MCFD2: variants seen among roughly 807,000 people sequenced by gnomAD.
MCFD2 encodes multiple coagulation factor deficiency 2, ER cargo receptor complex subunit, also known as multiple coagulation factor deficiency protein 2.
In MCFD2, 11 loss-of-function variants were observed where a neutral mutation model predicts 12.8. The ratio of observed to expected loss-of-function variants is 0.86; its 90% confidence interval spans 0.54 to 1.42. MCFD2 has a LOEUF of 1.42. MCFD2 is among the 40% of genes most tolerant of loss of function. The pLI is 0.00. For missense variants in MCFD2, 191 were observed against 178.6 expected, an observed-to-expected ratio of 1.07 and a Z score of -0.40; for synonymous variants, 70 against 68.1, an observed-to-expected ratio of 1.03 and a Z score of -0.14.
Position 46,934,798 on chromosome 2 carries a change from T to C in MCFD2, c.-8+6774A>G, listed in dbSNP as rs1436384326. On this transcript the variant is annotated intron_variant, in intron 1 of 2. Transcript: ENST00000409147. ...TGAAGACTACTGCTCTTTTTTTTTT[T>C]TTTTTTTTTTTTTTTTTTTTTGAGA... 1.3e-4 allele frequency among the ~76,000 whole-genome samples: 15 copies of C among 116,796 alleles called. No individual in the cohort carries two copies. In the East Asian group the frequency reaches 1.5e-3, roughly 12 times the overall value. 76.6% of individuals were successfully genotyped at this position (116,796 alleles called of 152,430 possible).
At chr2:46,911,106 A>T (rs1668468053) in intron 1 of MCFD2, among the ~76,000 whole-genome samples, 1 of 152,116 alleles carries the variant, frequency 6.6e-6, no homozygotes, top group Non-Finnish European at 1.5e-5. Context: ...ATCAAAATGC[A>T]ATCTGTCTCA....
At chr2:46,928,111 C>T (rs2117167) in intron 1 of MCFD2, among the ~76,000 whole-genome samples, 45,526 of 151,534 alleles carry the variant, frequency 0.3, 8,415 homozygotes, top group East Asian at 0.62. Flanking sequence ...AGGCTGGTCT[C>T]TAACTCCTCG....
At chr2:46,931,723 T>TAAATAAATAAAA (rs1406473779) in intron 1 of MCFD2, among the ~76,000 whole-genome samples, 3 of 151,426 alleles carry the variant, frequency 2.0e-5, no homozygotes, top group African/African-American at 7.3e-5. Context: ...AATAAATAAA[T>TAAATAAATAAAA]AAAATTGATA....
intron 1 of MCFD2, among the ~76,000 whole-genome samples, chr2:46,914,504 G>C (rs374847380): frequency 5.3e-4 from 81 of 152,154 alleles, no homozygotes; most frequent in African/African-American, 1.9e-3. Flanking sequence ...TTGAGAATTG[G>C]TTCTGAAAAA....
Position 46,940,556 on chromosome 2 carries a change from C to G in MCFD2, c.-8+1016G>C, listed in dbSNP as rs10165085. On this transcript the variant is annotated intron_variant, in intron 1 of 2. Transcript: ENST00000409147. This position sits in a 1 kb window ranked among gnomAD's most constrained non-coding sequence, Gnocchi z 4.7. ...AGCTTTGATCACAGTCTTAGACCAG[C>G]ATGAAGAAATAAATAAATACCAAGG... Among the ~76,000 whole-genome samples, 8,890 of 152,276 alleles carry G rather than the reference C, an allele frequency of 0.058. 317 individuals carry two copies. The highest frequency in any genetic ancestry group is 0.093 in the African/African-American group (3,859 of 41,540).
upstream of MCFD2, among the ~76,000 whole-genome samples, chr2:46,920,642 CT>C (rs1450193967): frequency 7.6e-6 from 1 of 131,092 alleles, no homozygotes; most frequent in Non-Finnish European, 1.5e-5. Context: ...TAGTCTTAGG[CT>C]TTTTTGAAAA....
Position 46,941,440 on chromosome 2 carries a change from G to A in MCFD2, c.-8+132C>T. ...CGCCCGGGCCCCGGCTGCCGTCTGC[G>A]CCCCCGTCGACCCCGCCCGCGAGTG... On this transcript the variant is annotated intron_variant, in intron 1 of 2. Coordinates refer to the MCFD2 transcript ENST00000409147. The surrounding 1 kb of genome is among the most constrained non-coding windows in gnomAD (Gnocchi z 4.2). 1 of 1,275,614 alleles carries A rather than the reference G, an allele frequency of 7.8e-7. No individual in the cohort carries two copies. Among genetic ancestry groups the A allele is most frequent in the South Asian group, 2.2e-5 (1 of 44,992 alleles). 79.0% of individuals were successfully genotyped at this position (1,275,614 alleles called of 1,614,324 possible). A position where few individuals can be genotyped will look rare whatever the true frequency, so the allele number is the denominator to read the frequency against.
chr2:46,905,661 CA>C, intron 3 of MCFD2, 67 bp from the exon 4 acceptor site: 1 of 1,014,854 alleles, frequency 9.9e-7, no homozygotes. Flanking sequence ...AACTAACGTC[CA>C]AAATATCCAT....
upstream of MCFD2, chr2:46,917,051 G>T: frequency 1.7e-6 from 1 of 592,548 alleles, no homozygotes; most frequent in Non-Finnish European, 3.0e-6. Flanking sequence ...GTAGTTAGAT[G>T]CCTTGAAAGT....
At chr2:46,928,310 A>G (rs760047058) in intron 1 of MCFD2, among the ~76,000 whole-genome samples, 2 of 152,060 alleles carry the variant, frequency 1.3e-5, no homozygotes, top group Non-Finnish European at 2.9e-5. Flanking sequence ...GTGAAAAAAC[A>G]TTACAAAAAA....
chr2:46,921,685 T>C (rs1208475573), intron 1 of MCFD2, among the ~76,000 whole-genome samples: 4 of 152,218 alleles, frequency 2.6e-5, no homozygotes, highest in African/African-American at 7.2e-5. Context: ...ACCAGTTTCA[T>C]GGAAGACAAT....
intron 3 of MCFD2, chr2:46,906,112 G>A (rs1668222070): frequency 4.7e-6 from 2 of 426,976 alleles, no homozygotes; most frequent in East Asian, 1.4e-4. Context: ...CCAAGAGCAG[G>A]GTTAGTGGGC....
rs1668152171 is a variant in MCFD2, at chr2:46,904,855, G to A, written c.*608C>T. The A allele has an allele frequency of 6.0e-6, 1 of 166,430 alleles. No individual in the cohort carries two copies. Among genetic ancestry groups the A allele is most frequent in the Admixed American group, 5.6e-5 (1 of 17,772 alleles). 10.3% of individuals were successfully genotyped at this position (166,430 alleles called of 1,614,324 possible). A position where few individuals can be genotyped will look rare whatever the true frequency, so the allele number is the denominator to read the frequency against. ...AATAGTGAGGACATGAGATTTGGAG[G>A]GGCCAGGGGTAGAATGATATGGTTT... On this transcript the variant is annotated 3_prime_UTR_variant, in exon 4 of 4. Transcript: ENST00000319466.
upstream of MCFD2, chr2:46,915,811 GCCCCCCCC>G (rs372282781): frequency 1.3e-4 from 42 of 333,022 alleles, 5 homozygotes; most frequent in African/African-American, 2.4e-4. Flanking sequence ...GCTTCGCCCC[GCCCCCCCC>G]CCCCCCCCGA....
chr2:46,935,454 A>G (rs533736943), intron 1 of MCFD2, among the ~76,000 whole-genome samples: 2 of 152,246 alleles, frequency 1.3e-5, no homozygotes, highest in African/African-American at 4.8e-5. Flanking sequence ...ACACTTCATA[A>G]CTATTCCAAC....
intron 1 of MCFD2, among the ~76,000 whole-genome samples, chr2:46,922,696 A>G (rs1669168681): frequency 6.6e-6 from 1 of 152,134 alleles, no homozygotes; most frequent in Non-Finnish European, 1.5e-5. Context: ...CTCACTCAAC[A>G]ACAAAAAACA....
At position 46,915,804 on chromosome 2, in the gene MCFD2, T is replaced by TGGGGGGGGGGGGGGGGCC; in HGVS notation, c.-89_-88insGGCCCCCCCCCCCCCCCC. The stretch of plus-strand genomic sequence containing the variant: ...GTCCCCAAAACGCTCTTCCTCGGCT[T>TGGGGGGGGGGGGGGGGCC]CGCCCCGCCCCCCCCCCCCCCCCGA... On this transcript the variant is annotated 5_prime_UTR_variant, in exon 1 of 4. Transcript: ENST00000319466. 1.8e-6 allele frequency: 1 copy of TGGGGGGGGGGGGGGGGCC among 568,430 alleles called. No homozygotes were observed. The highest frequency in any genetic ancestry group is 2.0e-6 in the Non-Finnish European group (1 of 510,736). The allele number at this position is 568,430 out of a possible 1,614,324, so 35.2% of individuals were successfully genotyped here.
At position 46,940,468 on chromosome 2, in the gene MCFD2, G is replaced by C. The variant is rs77351240; in HGVS notation, c.-8+1104C>G. On this transcript the variant is annotated intron_variant, in intron 1 of 2. Coordinates refer to the MCFD2 transcript ENST00000409147. The surrounding 1 kb of genome is among the most constrained non-coding windows in gnomAD (Gnocchi z 4.7). ...GGCTGCCCCCGCTAGGCCCCGCCCCGTAGTCCTGTGAACTTCTGGGCACCC... is the reference window on the plus strand; with the variant it reads ...GGCTGCCCCCGCTAGGCCCCGCCCCCTAGTCCTGTGAACTTCTGGGCACCC... Among the ~76,000 whole-genome samples, 4,083 of 152,256 alleles carry C rather than the reference G, an allele frequency of 0.027. 82 individuals carry two copies. The highest frequency in any genetic ancestry group is 0.049 in the Admixed American group (743 of 15,300).
At chr2:46,912,234 G>A (rs1572616373) in intron 1 of MCFD2, among the ~76,000 whole-genome samples, 1 of 152,350 alleles carries the variant, frequency 6.6e-6, no homozygotes, top group South Asian at 2.1e-4. Context: ...AGCTATTTGG[G>A]AGGCTGAGGC....
Sources: allele counts gnomAD v4.1 joint callset (sites outside exome capture counted in the v4.1 genomes callset), GRCh38; gene constraint gnomAD v4.1.1; non-coding constraint Gnocchi (gnomAD v3.1); transcripts MANE v1.5; gene names NCBI Gene and HGNC (gene_info 2026-07-23, HGNC 2026-07-21).